The following HPSE2 variants were observed in gnomAD, a reference collection of about 807,000 sequenced individuals.
The protein encoded by HPSE2 is heparanase 2 (inactive).
Under a neutral mutation model 60.5 loss-of-function variants are expected in HPSE2, and 38 were observed. The observed-to-expected ratio is 0.63, with a 90% CI of 0.48 to 0.82. HPSE2 has a LOEUF of 0.82. Among genes scored for constraint, HPSE2 ranks in the 40% least tolerant of loss-of-function variants. HPSE2 has a pLI of 0.00. For missense variants in HPSE2, 713 were observed against 740.4 expected, an observed-to-expected ratio of 0.96 and a Z score of 0.43; for synonymous variants, 295 against 293.2, an observed-to-expected ratio of 1.01 and a Z score of -0.06.
intron 5 of HPSE2, among the ~76,000 whole-genome samples, chr10:98,699,696 C>G: frequency 7.7e-6 from 1 of 129,730 alleles, no homozygotes; most frequent in Non-Finnish European, 1.7e-5. Flanking sequence ...AAGGGGAAGT[C>G]AAATTGTCCC....
At chr10:98,568,690 C>T (rs944491079) in intron 9 of HPSE2, among the ~76,000 whole-genome samples, 6 of 152,132 alleles carry the variant, frequency 3.9e-5, no homozygotes, top group African/African-American at 7.2e-5. Context: ...CTTTCCTTTC[C>T]GGGCTTCAGG....
chr10:98,600,753 A>C (rs1338803898), intron 9 of HPSE2, among the ~76,000 whole-genome samples: 2 of 109,510 alleles, frequency 1.8e-5, no homozygotes, highest in Non-Finnish European at 4.4e-5. Context: ...ATACACACAA[A>C]AAAAATATAC....
rs995224829 is a variant in HPSE2, at chr10:99,041,981, C to G, written c.610+102257G>C. 5.3e-5 allele frequency among the ~76,000 whole-genome samples: 8 copies of G among 152,294 alleles called. 2 individuals are homozygous for G. Among genetic ancestry groups the G allele is most frequent in the Admixed American group, 5.2e-4 (8 of 15,300 alleles). Reference sequence around the variant, plus strand: ...GCTCCTCACACATATTACATACACACATATTTGTACACACAGACCTTCACA... The same window carrying G: ...GCTCCTCACACATATTACATACACAGATATTTGTACACACAGACCTTCACA... On this transcript the variant is annotated intron_variant, in intron 3 of 11. Coordinates refer to ENST00000370552, the MANE Select transcript of HPSE2 (RefSeq NM_021828.5).
the HPSE2 span, among the ~76,000 whole-genome samples, chr10:99,273,784 T>C: frequency 8.5e-5 from 13 of 152,108 alleles, no homozygotes; most frequent in African/African-American, 4.8e-5. Flanking sequence ...AAATAAATGA[T>C]CCAGTAACTG....
intron 3 of HPSE2, among the ~76,000 whole-genome samples, chr10:99,089,419 T>C (rs1414480770): frequency 6.6e-6 from 1 of 152,236 alleles, no homozygotes; most frequent in Non-Finnish European, 1.5e-5. Flanking sequence ...GCACCATTTG[T>C]TGAACAGGGT....
intron 9 of HPSE2, among the ~76,000 whole-genome samples, chr10:98,562,901 T>C (rs477950): frequency 0.85 from 129,141 of 151,962 alleles, 56,138 homozygotes; most frequent in East Asian, 1. Context: ...AGGTTTGATA[T>C]AGCAAATCTG....
At chr10:98,993,579 T>C (rs1300192486) in intron 3 of HPSE2, among the ~76,000 whole-genome samples, 1 of 152,222 alleles carries the variant, frequency 6.6e-6, no homozygotes, top group Non-Finnish European at 1.5e-5. Context: ...CCAGAAATTA[T>C]GTAAAAGAGT....
intron 3 of HPSE2, among the ~76,000 whole-genome samples, chr10:99,059,217 A>G (rs1564772870): frequency 6.6e-6 from 1 of 152,188 alleles, no homozygotes; most frequent in African/African-American, 2.4e-5. Context: ...AGTAAAGACC[A>G]TTATACAAGT....
chr10:98,911,184 G>A (rs1409011629), intron 3 of HPSE2, among the ~76,000 whole-genome samples: 2 of 152,162 alleles, frequency 1.3e-5, no homozygotes, highest in Non-Finnish European at 2.9e-5. Context: ...ATTTCTTTGA[G>A]CAAGACATGA....
Position 98,782,941 on chromosome 10 carries a change from G to GTTTT in HPSE2, c.611-38889_611-38886dup, listed in dbSNP as rs576508491. Among the ~76,000 whole-genome samples the GTTTT allele has an allele frequency of 3.2e-3, 367 of 116,088 alleles. 4 individuals are homozygous for GTTTT. The highest frequency in any genetic ancestry group is 4.1e-3 in the Non-Finnish European group (239 of 57,854). 76.2% of individuals were successfully genotyped at this position (116,088 alleles called of 152,430 possible). A position where few individuals can be genotyped will look rare whatever the true frequency, so the allele number is the denominator to read the frequency against. Reference sequence around the variant, plus strand: ...TTTTTTTTTTATTTTTTTTTTTAATGTTTTTTTTTTTATTATACTCTAAGT... The same window carrying GTTTT: ...TTTTTTTTTTATTTTTTTTTTTAATGTTTTTTTTTTTTTTTATTATACTCTAAGT... On this transcript the variant is annotated intron_variant, in intron 3 of 11. Transcript: ENST00000370552.
At chr10:98,495,641 C>T (rs1165278214) in intron 9 of HPSE2, among the ~76,000 whole-genome samples, 1 of 152,066 alleles carries the variant, frequency 6.6e-6, no homozygotes, top group Non-Finnish European at 1.5e-5. Flanking sequence ...TCTCTTCTGA[C>T]TGCTCCAATT....
intron 3 of HPSE2, chr10:99,047,637 C>T: frequency 1.4e-6 from 1 of 706,322 alleles, no homozygotes; most frequent in Non-Finnish European, 2.5e-6. Context: ...CTGGCTGGAA[C>T]CATGGATGGT....
intron 9 of HPSE2, among the ~76,000 whole-genome samples, chr10:98,588,988 T>C (rs554365040): frequency 1.3e-5 from 2 of 152,322 alleles, no homozygotes; most frequent in East Asian, 3.9e-4. Context: ...ATTGTGATTT[T>C]GTTATTTCCA....
chr10:98,693,833 G>A (rs1948141089), intron 6 of HPSE2, 67 bp downstream of exon 6: 2 of 1,222,364 alleles, frequency 1.6e-6, no homozygotes. Context: ...TGAACTTAGT[G>A]ACAACTAATT....
At chr10:98,853,635 C>G (rs559532949) in intron 3 of HPSE2, among the ~76,000 whole-genome samples, 3 of 152,192 alleles carry the variant, frequency 2.0e-5, no homozygotes, top group African/African-American at 7.2e-5. Context: ...TTGTATCACT[C>G]CCATGAATCC....
At chr10:98,563,004 C>A (rs574254913) in intron 9 of HPSE2, among the ~76,000 whole-genome samples, 2 of 152,056 alleles carry the variant, frequency 1.3e-5, no homozygotes, top group African/African-American at 2.4e-5. Flanking sequence ...CCCAAAAAAT[C>A]TTTTCAAAGA....
At chr10:99,064,648 C>T (rs1842555969) in intron 3 of HPSE2, among the ~76,000 whole-genome samples, 1 of 150,750 alleles carries the variant, frequency 6.6e-6, no homozygotes, top group Non-Finnish European at 1.5e-5. Flanking sequence ...CCCCAACCAA[C>T]ATGAACTTCC....
the HPSE2 span, among the ~76,000 whole-genome samples, chr10:99,299,280 C>G: frequency 6.6e-6 from 1 of 152,164 alleles, no homozygotes; most frequent in Non-Finnish European, 1.5e-5. Context: ...CGGACCAGTA[C>G]TACTAGGAGT....
chr10:98,718,234 A>G (rs1386948203), intron 5 of HPSE2, among the ~76,000 whole-genome samples: 1 of 152,196 alleles, frequency 6.6e-6, no homozygotes, highest in Non-Finnish European at 1.5e-5. Flanking sequence ...CAGTTCCCAA[A>G]TAAGGAAATG....
Sources: gnomAD v4.1 joint callset for allele counts (sites outside exome capture counted in the v4.1 genomes callset) on GRCh38, gnomAD v4.1.1 for gene constraint, MANE v1.5 for transcripts, NCBI Gene and HGNC (gene_info 2026-07-23, HGNC 2026-07-21) for gene names.